Variants in ATP8A2 observed in about 807,000 individuals in gnomAD.
ATP8A2 encodes the protein ATPase phospholipid transporting 8A2, also known as phospholipid-transporting ATPase IB.
ATP8A2 carries 100 observed loss-of-function variants against 165.6 expected under a neutral mutation model. The ratio of observed to expected loss-of-function variants is 0.60; its 90% CI spans 0.51 to 0.71. The LOEUF is 0.71. Among genes scored for constraint, ATP8A2 ranks in the 30% least tolerant of loss-of-function variants. The pLI is 0.00. For missense variants in ATP8A2, 1,227 were observed against 1,479.5 expected (o/e 0.83, Z 2.80); for synonymous variants, 543 against 548.8 (o/e 0.99, Z 0.15).
At chr13:25,661,418 A>G (rs1384675912) in intron 24 of ATP8A2, among the ~76,000 whole-genome samples, 1 of 152,192 alleles carries the variant, frequency 6.6e-6, no homozygotes, top group Admixed American at 6.5e-5. Context: ...TGGTGTTTTC[A>G]TTGTGGTAGA....
In ATP8A2 at chr13:25,402,184, G is replaced by C. The variant is rs558004774; in HGVS notation, c.76+29896G>C. ...GATGATTCACACCCTAGGTGGGAAGGAGCAGGATGGTGCGAGATTTCATCA... is the reference window on the plus strand; with the variant it reads ...GATGATTCACACCCTAGGTGGGAAGCAGCAGGATGGTGCGAGATTTCATCA... On this transcript the variant is annotated intron_variant, in intron 1 of 36. Transcript: ENST00000381655. Among the ~76,000 whole-genome samples, 9 of 152,340 alleles carry C rather than the reference G, an allele frequency of 5.9e-5. No homozygotes were observed. In the South Asian group the frequency reaches 1.9e-3, roughly 32 times the overall value.
intron 30 of ATP8A2, among the ~76,000 whole-genome samples, chr13:25,850,782 G>T (rs1184943577): frequency 6.6e-6 from 1 of 152,218 alleles, no homozygotes; most frequent in Non-Finnish European, 1.5e-5. Flanking sequence ...ATCGAATGGG[G>T]CTTTTCCAGC....
intron 1 of ATP8A2, among the ~76,000 whole-genome samples, chr13:25,463,608 C>T (rs575596173): frequency 2.0e-5 from 3 of 152,242 alleles, no homozygotes; most frequent in Admixed American, 6.5e-5. Flanking sequence ...CTTGCTTCCT[C>T]GCCAGTGACT....
chr13:25,429,598 T>C (rs1323122907), intron 1 of ATP8A2, among the ~76,000 whole-genome samples: 1 of 152,102 alleles, frequency 6.6e-6, no homozygotes, highest in Admixed American at 6.5e-5. Flanking sequence ...GTCACCTTAA[T>C]AGACTGCCAC....
At chr13:25,680,073 G>A (rs566857640) in intron 24 of ATP8A2, among the ~76,000 whole-genome samples, 5 of 152,248 alleles carry the variant, frequency 3.3e-5, no homozygotes, top group African/African-American at 9.6e-5. Flanking sequence ...CATGCTCTAC[G>A]TTCTTGGTGT....
intron 25 of ATP8A2, among the ~76,000 whole-genome samples, chr13:25,745,315 C>G (rs2044007134): frequency 6.6e-6 from 1 of 152,142 alleles, no homozygotes; most frequent in South Asian, 2.1e-4. Context: ...TCAGCTTGCT[C>G]CTTGTTTTCC....
intron 10 of ATP8A2, among the ~76,000 whole-genome samples, chr13:25,544,252 G>T (rs574478376): frequency 4.6e-5 from 7 of 152,362 alleles, no homozygotes; most frequent in Admixed American, 4.6e-4. Flanking sequence ...ACTGGAATGT[G>T]TGTCATTACT....
chr13:25,435,808 G>A (rs1434459032), intron 1 of ATP8A2, among the ~76,000 whole-genome samples: 1 of 152,020 alleles, frequency 6.6e-6, no homozygotes, highest in Non-Finnish European at 1.5e-5. Flanking sequence ...AATTTTAGAA[G>A]CAATCATGGA....
chr13:25,467,189 G>A (rs2035691711), intron 1 of ATP8A2, among the ~76,000 whole-genome samples: 1 of 152,176 alleles, frequency 6.6e-6, no homozygotes, highest in Non-Finnish European at 1.5e-5. Context: ...CTGTCTGAGT[G>A]AGGAATAGCC....
chr13:25,493,505 T>C (rs1419853284), intron 2 of ATP8A2, among the ~76,000 whole-genome samples: 2 of 152,218 alleles, frequency 1.3e-5, no homozygotes, highest in Non-Finnish European at 2.9e-5. Flanking sequence ...ACTCTTTGGC[T>C]TAGTTGAGAA....
chr13:25,397,206 G>A (rs1347956997), intron 1 of ATP8A2, among the ~76,000 whole-genome samples: 1 of 152,236 alleles, frequency 6.6e-6, no homozygotes, highest in African/African-American at 2.4e-5. Context: ...CAGTGAGGAG[G>A]GGAAGAGCTG....
rs570991172 is a variant in ATP8A2, at chr13:25,611,667, T to A, written c.2211+21968T>A. 5.5e-4 allele frequency among the ~76,000 whole-genome samples: 84 copies of A among 152,142 alleles called. No homozygotes were observed. In the Middle Eastern group the frequency reaches 0.024, roughly 43 times the overall value. On this transcript the variant is annotated intron_variant, in intron 24 of 36. Coordinates refer to ENST00000381655, the MANE Select transcript of ATP8A2 (RefSeq NM_016529.6). ...GGGTGACACTGGCTTTATAGAATGA[T>A]TTAGGGAGGGTTCTCTATCTTGTGG...
At chr13:25,436,523 T>G (rs1593305739) in intron 1 of ATP8A2, among the ~76,000 whole-genome samples, 2 of 152,178 alleles carry the variant, frequency 1.3e-5, no homozygotes, top group East Asian at 3.8e-4. Flanking sequence ...GATGGGCATT[T>G]AGGTTGATTC....
chr13:25,800,191 G>A (rs1164935569), intron 27 of ATP8A2, among the ~76,000 whole-genome samples: 4 of 152,224 alleles, frequency 2.6e-5, no homozygotes, highest in African/African-American at 9.7e-5. Context: ...AGCAAAGCTG[G>A]CATTTAAACC....
intron 33 of ATP8A2, among the ~76,000 whole-genome samples, chr13:25,958,434 G>T (rs926359548): frequency 6.6e-6 from 1 of 152,270 alleles, no homozygotes; most frequent in East Asian, 1.9e-4. Context: ...CAGGTGCATG[G>T]GTGTCCCTTG....
intron 35 of ATP8A2, among the ~76,000 whole-genome samples, chr13:25,970,890 G>A (rs1206692180): frequency 6.6e-6 from 1 of 152,164 alleles, no homozygotes; most frequent in African/African-American, 2.4e-5. Context: ...ATTTTTAAAT[G>A]TTCAAATGGA....
intron 32 of ATP8A2, 44 bp from the exon 33 acceptor site, chr13:25,862,257 A>AG: frequency 1.4e-6 from 2 of 1,452,642 alleles, no homozygotes; most frequent in Non-Finnish European, 1.9e-6. Context: ...TGAATCTGCC[A>AG]GGCTGGTCGA....
chr13:25,972,633 C>G (rs1008101110), intron 35 of ATP8A2, among the ~76,000 whole-genome samples: 5 of 152,150 alleles, frequency 3.3e-5, no homozygotes, highest in African/African-American at 9.7e-5. Context: ...CCGCACCGCA[C>G]ATGAAATAGT....
intron 25 of ATP8A2, among the ~76,000 whole-genome samples, chr13:25,737,037 T>G (rs2043787209): frequency 6.6e-6 from 1 of 152,208 alleles, no homozygotes; most frequent in African/African-American, 2.4e-5. Flanking sequence ...TTGTGGGATT[T>G]GTGTGTTAGG....
Sources: gnomAD v4.1 joint callset for allele counts (sites outside exome capture counted in the v4.1 genomes callset) on GRCh38, gnomAD v4.1.1 for gene constraint, MANE v1.5 for transcripts, NCBI Gene and HGNC (gene_info 2026-07-23, HGNC 2026-07-21) for gene names.